DPP6: variants seen among roughly 807,000 people sequenced by gnomAD.
DPP6 encodes dipeptidyl peptidase like 6, also known as A-type potassium channel modulatory protein DPP6.
Under a neutral mutation model 122.6 loss-of-function variants are expected in DPP6, and 69 were observed. The ratio of observed to expected loss-of-function variants is 0.56; its 90% CI spans 0.46 to 0.69. The LOEUF (loss-of-function observed/expected upper bound fraction) is 0.69, where lower values mean the gene tolerates loss of function less well. Among genes scored for constraint, DPP6 ranks in the 30% least tolerant of loss-of-function variants. DPP6 has a pLI of 0.00. For missense variants in DPP6, 928 were observed against 1,116.9 expected, an observed-to-expected ratio of 0.83 and a Z score of 2.41; for synonymous variants, 418 against 433.1, an observed-to-expected ratio of 0.97 and a Z score of 0.43.
intron 5 of DPP6, among the ~76,000 whole-genome samples, chr7:154,632,186 T>C (rs1185381847): frequency 2.6e-5 from 4 of 152,184 alleles, no homozygotes; most frequent in Non-Finnish European, 5.9e-5. Flanking sequence ...TAGGTTATGG[T>C]CTGTTTACAC....
chr7:154,013,428 T>C (rs1798242717), intron 1 of DPP6, among the ~76,000 whole-genome samples: 3 of 151,588 alleles, frequency 2.0e-5, no homozygotes, highest in South Asian at 4.2e-4. Context: ...GTCCAGTGTG[T>C]ATTCCTCAGA....
At chr7:154,801,213 C>A (rs998423764) in intron 12 of DPP6, 142 bp from the exon 13 acceptor site, 32 of 1,200,052 alleles carry the variant, frequency 2.7e-5, no homozygotes, top group Non-Finnish European at 3.4e-5. Flanking sequence ...GTGACGGCCT[C>A]ATCAAGCACT....
chr7:154,009,809 A>G (rs1260990403), intron 1 of DPP6, among the ~76,000 whole-genome samples: 4 of 150,252 alleles, frequency 2.7e-5, no homozygotes, highest in Non-Finnish European at 4.4e-5. Context: ...AGATGTAAGG[A>G]TGTAGCTAAA....
intron 1 of DPP6, among the ~76,000 whole-genome samples, chr7:154,130,712 A>G (rs1233815205): frequency 6.6e-6 from 1 of 152,008 alleles, no homozygotes; most frequent in Non-Finnish European, 1.5e-5. Context: ...GGGAGGACAA[A>G]GCCTTCCAGC....
At chr7:154,565,246 C>G (rs1413755747) in intron 4 of DPP6, among the ~76,000 whole-genome samples, 1 of 152,178 alleles carries the variant, frequency 6.6e-6, no homozygotes, top group Non-Finnish European at 1.5e-5. Context: ...AACGTTGAGT[C>G]TCTCCTAGAA....
intron 1 of DPP6, among the ~76,000 whole-genome samples, chr7:153,993,556 G>T (rs2129043211): frequency 6.6e-6 from 1 of 152,302 alleles, no homozygotes; most frequent in African/African-American, 2.4e-5. Flanking sequence ...TTGAACCCAA[G>T]GTTGTAAACC....
chr7:154,286,675 G>C (rs1163084285), intron 1 of DPP6, among the ~76,000 whole-genome samples: 1 of 152,072 alleles, frequency 6.6e-6, no homozygotes, highest in Non-Finnish European at 1.5e-5. Context: ...GTGACCTTGG[G>C]GGACTGTCCA....
intron 6 of DPP6, among the ~76,000 whole-genome samples, chr7:154,659,897 T>G (rs1272765951): frequency 6.6e-6 from 1 of 152,244 alleles, no homozygotes; most frequent in Non-Finnish European, 1.5e-5. Context: ...AGCCATTGTT[T>G]CTCTTGATTT....
At chr7:154,434,461 T>C (rs778704308) in intron 1 of DPP6, among the ~76,000 whole-genome samples, 1 of 152,084 alleles carries the variant, frequency 6.6e-6, no homozygotes, top group Non-Finnish European at 1.5e-5. Context: ...CCCTCTCTGC[T>C]TGCTGCTGGC....
chr7:154,158,761 T>C (rs1796822980), intron 1 of DPP6, among the ~76,000 whole-genome samples: 1 of 152,076 alleles, frequency 6.6e-6, no homozygotes. Flanking sequence ...AGTCAGCTTT[T>C]AAACTGAGGA....
chr7:154,563,187 C>T (rs144027314), intron 4 of DPP6, among the ~76,000 whole-genome samples: 159 of 152,300 alleles, frequency 1.0e-3, no homozygotes, highest in African/African-American at 3.5e-3. Context: ...AGGTTGAGAG[C>T]ATTTCAGGCA....
intron 1 of DPP6, among the ~76,000 whole-genome samples, chr7:154,015,620 C>T (rs1318298000): frequency 6.6e-6 from 1 of 152,148 alleles, no homozygotes. Flanking sequence ...GCCACAAGCC[C>T]TGGAGTTGTC....
chr7:154,043,320 C>T (rs1156866297), intron 1 of DPP6, among the ~76,000 whole-genome samples: 1 of 135,974 alleles, frequency 7.4e-6, no homozygotes, highest in Admixed American at 8.3e-5. Flanking sequence ...TTGAACCGGG[C>T]AGGTGGAGTT....
chr7:154,064,800 G>C (rs1192709376), intron 1 of DPP6, among the ~76,000 whole-genome samples: 1 of 152,138 alleles, frequency 6.6e-6, no homozygotes, highest in Non-Finnish European at 1.5e-5. Context: ...CAGGGTTTCT[G>C]GTTGATCCAG....
rs1795485476 is a variant in DPP6, at chr7:154,760,708, C to T, written c.884-8709C>T. On this transcript the variant is annotated intron_variant, in intron 8 of 25. Transcript: ENST00000377770. This position sits in a 1 kb window ranked among gnomAD's most constrained non-coding sequence, Gnocchi z 4.5. ...GAGCGTGAGGCAGGTGAGCAGAAGA[C>T]ATCAGGCCCAGAAGTTCTGGAAGCT... 6.6e-6 allele frequency among the ~76,000 whole-genome samples: 1 copy of T among 152,078 alleles called. No individual in the cohort carries two copies. Among genetic ancestry groups the T allele is most frequent in the Non-Finnish European group, 1.5e-5 (1 of 68,020 alleles).
At chr7:153,974,311 T>G (rs1196669625) in intron 1 of DPP6, among the ~76,000 whole-genome samples, 2 of 152,224 alleles carry the variant, frequency 1.3e-5, no homozygotes, top group Non-Finnish European at 2.9e-5. Flanking sequence ...TGCTCTGCAG[T>G]GGCAACTCTC....
At chr7:154,090,974 A>G (rs1804778842) in intron 1 of DPP6, among the ~76,000 whole-genome samples, 1 of 150,990 alleles carries the variant, frequency 6.6e-6, no homozygotes, top group South Asian at 2.1e-4. Flanking sequence ...CAAAAAAATT[A>G]GCCAGGCGTG....
chr7:153,789,891 A>G, the DPP6 span, among the ~76,000 whole-genome samples: 1 of 152,280 alleles, frequency 6.6e-6, no homozygotes. Flanking sequence ...GAGACAATAT[A>G]TAATCTTCTT....
At chr7:154,891,247 A>T (rs1585002447) in intron 25 of DPP6, 1 of 152,152 alleles carries the variant, frequency 6.6e-6, no homozygotes, top group Admixed American at 6.5e-5. Flanking sequence ...AAAAGAAAAA[A>T]ATAAGATGCA....
Sources: allele counts gnomAD v4.1 joint callset (sites outside exome capture counted in the v4.1 genomes callset), GRCh38; gene constraint gnomAD v4.1.1; non-coding constraint Gnocchi (gnomAD v3.1); transcripts MANE v1.5; gene names NCBI Gene and HGNC (gene_info 2026-07-23, HGNC 2026-07-21).